Variants in TRAK2 observed in about 807,000 individuals in gnomAD.
TRAK2 encodes trafficking kinesin-binding protein 2.
A neutral mutation model predicts 104.6 loss-of-function variants in TRAK2; 81 were observed. That is an observed-to-expected ratio of 0.77 (90% CI 0.65 to 0.93). The LOEUF (loss-of-function observed/expected upper bound fraction) is 0.93, where lower values mean the gene tolerates loss of function less well. Ranked by LOEUF, TRAK2 falls within the 40% of genes least tolerant of loss-of-function variation. TRAK2 has a pLI of 0.00. For synonymous variants in TRAK2, 406 were observed against 394.4 expected (o/e 1.03, Z -0.35); for missense variants, 1,002 against 1,089.0 (o/e 0.92, Z 1.12).
chr2:201,410,970 A>G, intron 2 of TRAK2: 1 of 1,541,296 alleles, frequency 6.5e-7, no homozygotes, highest in Non-Finnish European at 9.0e-7. Flanking sequence ...GTTTGTAGTA[A>G]CGGGCATGTT....
Position 201,397,503 on chromosome 2 carries a change from A to T in TRAK2, c.768T>A (p.Leu256=). Residue 256 remains leucine (L), a splice_region_variant and synonymous_variant, in exon 7 of 16, where the codon CTT becomes CTA. Coordinates refer to ENST00000332624, the MANE Select transcript of TRAK2 (RefSeq NM_015049.3). Reference sequence around the variant, plus strand: ...AAAAGAGAATATGTTAATACTCACGAAGTTCTTTAACACAGTCGCTGACAA... The same window carrying T: ...AAAAGAGAATATGTTAATACTCACGTAGTTCTTTAACACAGTCGCTGACAA... ...QQLVSDCVKE[L]RETNAQMSRM... 6.2e-7 allele frequency: 1 copy of T among 1,609,710 alleles called. No homozygotes were observed. Among genetic ancestry groups the T allele is most frequent in the African/African-American group, 1.3e-5 (1 of 74,868 alleles).
Position 201,384,170 on chromosome 2 carries a change from T to C in TRAK2, c.2010A>G (p.Thr670=). Residue 670 remains threonine (T), a synonymous_variant, in exon 15 of 16, where the codon ACA becomes ACG. Coordinates refer to ENST00000332624, the MANE Select transcript of TRAK2 (RefSeq NM_015049.3). ...ATATTCTACAGGTGGTGAAAGTGAA[T>C]GTTGAGTTTGTGCACGACAGGCACT... is the stretch of plus-strand genomic sequence containing the variant. The part of the protein sequence containing the change: ...PGKCLSCTNS[T]FTFTTCRILH... 1 of 1,613,696 alleles carries C rather than the reference T, an allele frequency of 6.2e-7. No homozygotes were observed. Among genetic ancestry groups the C allele is most frequent in the Non-Finnish European group, 8.5e-7 (1 of 1,179,750 alleles).
chr2:201,390,026 T>A, intron 10 of TRAK2, 146 bp from the exon 11 acceptor site: 2 of 589,866 alleles, frequency 3.4e-6, no homozygotes, highest in South Asian at 5.1e-5. Flanking sequence ...TCTGGAAATA[T>A]AACTTTTAAA....
intron 2 of TRAK2, chr2:201,412,370 T>G (rs1951655010): frequency 7.5e-7 from 1 of 1,339,772 alleles, no homozygotes; most frequent in Middle Eastern, 2.5e-4. Flanking sequence ...GCATCTGGTC[T>G]TACAGTTGGA....
At chr2:201,384,237 G>A (rs1951368796) in intron 14 of TRAK2, 21 bp from the exon 15 acceptor site, 1 of 1,551,882 alleles carries the variant, frequency 6.4e-7, no homozygotes, top group Non-Finnish European at 8.9e-7. Flanking sequence ...TTTTTAGGGA[G>A]CAAATACAAG....
At position 201,420,559 on chromosome 2, in the gene TRAK2, A is replaced by C; in HGVS notation, c.-52T>G. 7.0e-7 allele frequency: 1 copy of C among 1,427,424 alleles called. No individual in the cohort carries two copies. The highest frequency in any genetic ancestry group is 9.9e-7 in the Non-Finnish European group (1 of 1,012,704). 88.4% of individuals were successfully genotyped at this position (1,427,424 alleles called of 1,614,324 possible). ...GAAGGACAGCTTTGGTATGAATCAG[A>C]GTAAAGGAAATCCATCAAGCCATTC... On this transcript the variant is annotated 5_prime_UTR_variant, in exon 2 of 16. Transcript: ENST00000332624.
rs1054881842 is a variant in TRAK2, at chr2:201,377,976, T to C, written c.*2567A>G. On this transcript the variant is annotated 3_prime_UTR_variant, in exon 16 of 16. Coordinates refer to ENST00000332624, the MANE Select transcript of TRAK2 (RefSeq NM_015049.3). ...CTAAAATGTGAATAGTGACAAAACA[T>C]AACAGATAAATTGGGAGGAATCAGC... is the stretch of plus-strand genomic sequence containing the variant. 1.3e-5 allele frequency: 2 copies of C among 152,404 alleles called. No homozygotes were observed. The highest frequency in any genetic ancestry group is 2.4e-5 in the African/African-American group (1 of 41,414). 9.4% of individuals were successfully genotyped at this position (152,404 alleles called of 1,614,324 possible).
chr2:201,402,964 C>T lies in TRAK2; in HGVS notation c.287-1870G>A, dbSNP rs1404977873. Among the ~76,000 whole-genome samples the T allele has an allele frequency of 2.0e-5, 3 of 152,120 alleles. No homozygotes were observed. In the East Asian group the frequency reaches 5.8e-4, roughly 29 times the overall value. On this transcript the variant is annotated intron_variant, in intron 3 of 15. Transcript: ENST00000332624. The stretch of plus-strand genomic sequence containing the variant: ...AAGCAAAAATCAGGCATCCTATAGG[C>T]TCAGTTAAAATCAGTTTTTATACAA...
intron 13 of TRAK2, among the ~76,000 whole-genome samples, chr2:201,386,954 A>G (rs1371827669): frequency 6.6e-6 from 1 of 152,228 alleles, no homozygotes; most frequent in Non-Finnish European, 1.5e-5. Context: ...CAGGCTACAG[A>G]ACCCTGGTGA....
intron 2 of TRAK2, among the ~76,000 whole-genome samples, chr2:201,417,752 T>G (rs993902967): frequency 6.6e-6 from 1 of 152,082 alleles, no homozygotes; most frequent in Non-Finnish European, 1.5e-5. Context: ...ATAAAAGGCA[T>G]CCAGATTGAA....
chr2:201,391,276 G>A (rs999702030), intron 10 of TRAK2, among the ~76,000 whole-genome samples: 1 of 152,088 alleles, frequency 6.6e-6, no homozygotes, highest in African/African-American at 2.4e-5. Flanking sequence ...ACAATAGCTT[G>A]TAATCTATTG....
chr2:201,381,553 T>A (rs568072798), intron 15 of TRAK2, among the ~76,000 whole-genome samples: 1 of 152,318 alleles, frequency 6.6e-6, no homozygotes, highest in East Asian at 1.9e-4. Context: ...CAGTTAAATT[T>A]TATGATAGAA....
chr2:201,403,626 C>T (rs1342122162), intron 3 of TRAK2, among the ~76,000 whole-genome samples: 6 of 151,746 alleles, frequency 4.0e-5, no homozygotes, highest in Non-Finnish European at 5.9e-5. Context: ...TTCAACAGAG[C>T]CTGAAAGGAT....
At position 201,447,290 on chromosome 2, in the gene TRAK2, C is replaced by CA. The variant is rs982249257; in HGVS notation, c.-200+4059dup. Reference sequence around the variant, plus strand: ...TTTCTCTCAACATTTATCTCTTCACCAAAAAACCTCAATCACCTAACCACA... The same window carrying CA: ...TTTCTCTCAACATTTATCTCTTCACCAAAAAAACCTCAATCACCTAACCACA... On this transcript the variant is annotated intron_variant, in intron 1 of 15. Coordinates refer to ENST00000332624, the MANE Select transcript of TRAK2 (RefSeq NM_015049.3). This position sits in a 1 kb window ranked among gnomAD's most constrained non-coding sequence, Gnocchi z 4.1. 1.3e-5 allele frequency among the ~76,000 whole-genome samples: 2 copies of CA among 152,152 alleles called. No homozygotes were observed. Among genetic ancestry groups the CA allele is most frequent in the African/African-American group, 4.8e-5 (2 of 41,444 alleles).
chr2:201,412,296 A>C (rs956002604), intron 2 of TRAK2: 1 of 1,254,472 alleles, frequency 8.0e-7, no homozygotes, highest in Non-Finnish European at 1.2e-6. Flanking sequence ...GGAATAAGGT[A>C]TCAAAATATT....
intron 1 of TRAK2, among the ~76,000 whole-genome samples, chr2:201,444,758 A>G (rs906292523): frequency 2.6e-5 from 4 of 151,998 alleles, no homozygotes; most frequent in Non-Finnish European, 5.9e-5. Context: ...TTGAAAGGAA[A>G]GAGAGGGTGC....
chr2:201,421,161 A>G (rs534497758), intron 1 of TRAK2, among the ~76,000 whole-genome samples: 5 of 152,208 alleles, frequency 3.3e-5, no homozygotes, highest in Non-Finnish European at 7.3e-5. Flanking sequence ...CACTAATAAT[A>G]TATTGTAGAG....
chr2:201,378,483 T>C lies in TRAK2; in HGVS notation c.*2060A>G, dbSNP rs1299494405. 1 of 152,194 alleles carries C rather than the reference T, an allele frequency of 6.6e-6. No homozygotes were observed. Among genetic ancestry groups the C allele is most frequent in the Non-Finnish European group, 1.5e-5 (1 of 68,042 alleles). The allele number at this position is 152,194 out of a possible 1,614,324, so 9.4% of individuals were successfully genotyped here. ...CTGTCCAGGCAACAGAAACAGTAAT[T>C]ACTTTCTTAGGGAACAAATAAAAAA... On this transcript the variant is annotated 3_prime_UTR_variant, in exon 16 of 16. Transcript: ENST00000332624.
chr2:201,392,475 TCAAA>T (rs1023712646), intron 10 of TRAK2, among the ~76,000 whole-genome samples: 8 of 152,114 alleles, frequency 5.3e-5, no homozygotes, highest in African/African-American at 1.2e-4. Context: ...TATAAATGAA[TCAAA>T]CAAAGATGAA....
Sources: gnomAD v4.1 joint callset for allele counts (sites outside exome capture counted in the v4.1 genomes callset) on GRCh38, gnomAD v4.1.1 for gene constraint, Gnocchi (gnomAD v3.1) non-coding constraint, MANE v1.5 for transcripts, NCBI Gene and HGNC (gene_info 2026-07-23, HGNC 2026-07-21) for gene names.